The following PRDM1 variants were observed in gnomAD, a reference collection of about 807,000 sequenced individuals.
The protein encoded by PRDM1 is PR/SET domain 1, also known as PR domain zinc finger protein 1.
Under a neutral mutation model 62.8 loss-of-function variants are expected in PRDM1, and 13 were observed. That is an observed-to-expected ratio of 0.21 (90% CI 0.13 to 0.33). The LOEUF (loss-of-function observed/expected upper bound fraction) is 0.33, where lower values mean the gene tolerates loss of function less well. Ranked by LOEUF, PRDM1 falls within the 10% of genes least tolerant of loss-of-function variation. PRDM1 has a pLI of 1.00. For synonymous variants in PRDM1, 396 were observed against 417.6 expected (o/e 0.95, Z 0.63); for missense variants, 895 against 1,058.8 (o/e 0.85, Z 2.15).
chr6:106,088,452 A>G lies in PRDM1; in HGVS notation c.291+3A>G. ...AGTATGCCACCAACAGTGAAGAGGT[A>G]AGCCTCTGGTTTATTGACAAGAAGA... On this transcript the variant is annotated splice_donor_region_variant and intron_variant, in intron 2 of 6. Coordinates refer to ENST00000369096, the MANE Select transcript of PRDM1 (RefSeq NM_001198.4). 1 of 1,614,172 alleles carries G rather than the reference A, an allele frequency of 6.2e-7. No individual in the cohort carries two copies. Among genetic ancestry groups the G allele is most frequent in the Non-Finnish European group, 8.5e-7 (1 of 1,180,014 alleles).
chr6:106,060,794 T>C (rs1773333587), intron 1 of PRDM1, among the ~76,000 whole-genome samples: 1 of 151,842 alleles, frequency 6.6e-6, no homozygotes, highest in Non-Finnish European at 1.5e-5. Flanking sequence ...TTAAGTGAAC[T>C]GGGAGTGGGT....
At position 106,036,166 on chromosome 6, in the gene PRDM1, T is replaced by A. The variant is rs142999854; in HGVS notation, c.-67+42527T>A. 1.3e-3 allele frequency among the ~76,000 whole-genome samples: 199 copies of A among 152,242 alleles called. 3 individuals carry two copies. In the East Asian group the frequency reaches 0.027, roughly 21 times the overall value. ...GAATTTAGTTGTTTTTTGTTTTTTGTGAGACAGAGCCTAAGTCTGTTACCC... is the reference window on the plus strand; with the variant it reads ...GAATTTAGTTGTTTTTTGTTTTTTGAGAGACAGAGCCTAAGTCTGTTACCC... On this transcript the variant is annotated intron_variant, in intron 1 of 6. Transcript: ENST00000652320.
intron 1 of PRDM1, among the ~76,000 whole-genome samples, chr6:106,009,863 A>T (rs1205709224): frequency 6.6e-6 from 1 of 152,136 alleles, no homozygotes; most frequent in Non-Finnish European, 1.5e-5. Flanking sequence ...GATTATAGGC[A>T]TGCGCCACCA....
chr6:106,105,512 T>G lies in PRDM1; in HGVS notation c.1352T>G (p.Leu451Arg). The G allele has an allele frequency of 1.2e-6, 2 of 1,613,866 alleles. No individual in the cohort carries two copies. Among genetic ancestry groups the G allele is most frequent in the Non-Finnish European group, 1.7e-6 (2 of 1,179,938 alleles). ...PRLCPVYSNL[L>R]GGGSLPHPML... Reference sequence around the variant, plus strand: ...CTGTGCCCTGTCTACAGCAATCTCCTCGGTGGGGGCAGCCTGCCCCACCCC... The same window carrying G: ...CTGTGCCCTGTCTACAGCAATCTCCGCGGTGGGGGCAGCCTGCCCCACCCC... The change falls in exon 5 of 7, where the codon CTC (leucine) becomes CGC (arginine). Residue 451 changes from leucine to arginine, a missense_variant. Coordinates refer to ENST00000369096, the MANE Select transcript of PRDM1 (RefSeq NM_001198.4).
rs1433034649 is a variant in PRDM1, at chr6:106,108,604, G to T, written c.*1118G>T. On this transcript the variant is annotated 3_prime_UTR_variant, in exon 7 of 7. Transcript: ENST00000369096. ...AAGGATTCGAGGTAGATAGGCTCAGGCCACACTTTAAAAACAAACACACAA... is the reference window on the plus strand; with the variant it reads ...AAGGATTCGAGGTAGATAGGCTCAGTCCACACTTTAAAAACAAACACACAA... 3 of 229,674 alleles carry T rather than the reference G, an allele frequency of 1.3e-5. No individual in the cohort carries two copies. Among genetic ancestry groups the T allele is most frequent in the African/African-American group, 6.8e-5 (3 of 44,010 alleles). The allele number at this position is 229,674 out of a possible 1,614,324, so 14.2% of individuals were successfully genotyped here.
chr6:106,022,015 T>A (rs983152490), intron 1 of PRDM1, among the ~76,000 whole-genome samples: 7 of 152,224 alleles, frequency 4.6e-5, no homozygotes, highest in Non-Finnish European at 8.8e-5. Context: ...TCATGTTTTC[T>A]AATCTCTGAA....
upstream of PRDM1, among the ~76,000 whole-genome samples, chr6:106,044,635 A>G (rs892506895): frequency 2.0e-5 from 3 of 152,216 alleles, no homozygotes; most frequent in African/African-American, 7.2e-5. Context: ...ACCTAGCACT[A>G]CAAGTTTAGG....
At chr6:106,027,254 G>T (rs578097644) in intron 1 of PRDM1, among the ~76,000 whole-genome samples, 2 of 152,326 alleles carry the variant, frequency 1.3e-5, no homozygotes, top group Non-Finnish European at 2.9e-5. Context: ...TATGGCAAAG[G>T]TTATAAAGGA....
At chr6:105,997,383 T>TA (rs973783698) in intron 1 of PRDM1, among the ~76,000 whole-genome samples, 25 of 152,218 alleles carry the variant, frequency 1.6e-4, no homozygotes, top group African/African-American at 5.5e-4. Flanking sequence ...TTATAATTGT[T>TA]AAAAAAATCA....
intron 1 of PRDM1, among the ~76,000 whole-genome samples, chr6:106,070,901 C>T (rs1004644469): frequency 6.6e-6 from 1 of 152,218 alleles, no homozygotes; most frequent in Non-Finnish European, 1.5e-5. Context: ...TGAAGGCAAT[C>T]TTCCAGATTT....
chr6:106,023,619 G>A (rs989883263), intron 1 of PRDM1, among the ~76,000 whole-genome samples: 4 of 152,094 alleles, frequency 2.6e-5, no homozygotes, highest in African/African-American at 7.2e-5. Flanking sequence ...CATTTCTGTT[G>A]TGTAGACTCT....
intron 1 of PRDM1, among the ~76,000 whole-genome samples, chr6:106,032,925 T>C (rs1772866734): frequency 6.6e-6 from 1 of 152,188 alleles, no homozygotes; most frequent in South Asian, 2.1e-4. Context: ...TATTGAAAGT[T>C]TACTGTTGTG....
upstream of PRDM1, chr6:106,086,282 C>G (rs930540457): frequency 4.8e-6 from 2 of 414,398 alleles, no homozygotes; most frequent in African/African-American, 4.1e-5. Context: ...GCCCCCACTT[C>G]GCGCAGCCGA....
chr6:106,094,975 AAAGT>A (rs1774056640), intron 2 of PRDM1, among the ~76,000 whole-genome samples: 1 of 151,592 alleles, frequency 6.6e-6, no homozygotes, highest in Admixed American at 6.6e-5. Flanking sequence ...CGAGAAGAAC[AAAGT>A]AGAAGGCCAG....
Position 106,086,451 on chromosome 6 carries a change from C to A in PRDM1, c.-103C>A. The A allele has an allele frequency of 8.3e-7, 1 of 1,204,786 alleles. No individual in the cohort carries two copies. Among genetic ancestry groups the A allele is most frequent in the Non-Finnish European group, 1.2e-6 (1 of 857,676 alleles). 74.6% of individuals were successfully genotyped at this position (1,204,786 alleles called of 1,614,324 possible). A position where few individuals can be genotyped will look rare whatever the true frequency, so the allele number is the denominator to read the frequency against. On this transcript the variant is annotated 5_prime_UTR_variant, in exon 1 of 7. Coordinates refer to ENST00000369096, the MANE Select transcript of PRDM1 (RefSeq NM_001198.4). ...GGACGCGGGCGCCCGGGCGGCCGGA[C>A]GAAGCGAGGAGGGACCGCCGAGGTG... is the stretch of plus-strand genomic sequence containing the variant.
rs1774449596 is a variant in PRDM1, at chr6:106,105,532, C to T, written c.1372C>T (p.His458Tyr). Residue 458 changes from histidine to tyrosine, a missense_variant, in exon 5 of 7, where the codon CAC (histidine) becomes TAC (tyrosine). Physicochemically the swap from His to Tyr is moderately conservative, Grantham distance 83 (BLOSUM62 2). This residue lies in a region of PRDM1 where 444 missense variants were observed against 422.7 expected (regional missense o/e 1.05). Coordinates refer to ENST00000369096, the MANE Select transcript of PRDM1 (RefSeq NM_001198.4). ...SNLLGGGSLP[H>Y]PMLNPTSLPS... is the part of the protein sequence containing the mutation. ...TCTCCTCGGTGGGGGCAGCCTGCCC[C>T]ACCCCATGCTCAACCCCACTTCTCT... 6 of 1,613,374 alleles carry T rather than the reference C, an allele frequency of 3.7e-6. No individual in the cohort carries two copies. Among genetic ancestry groups the T allele is most frequent in the Non-Finnish European group, 4.2e-6 (5 of 1,179,554 alleles).
upstream of PRDM1, among the ~76,000 whole-genome samples, chr6:106,047,867 A>G (rs965662814): frequency 4.6e-5 from 7 of 152,206 alleles, no homozygotes; most frequent in African/African-American, 1.7e-4. Context: ...TGGGCTGGAA[A>G]AGTGCACAGA....
upstream of PRDM1, among the ~76,000 whole-genome samples, chr6:105,992,912 G>A (rs1263207603): frequency 6.6e-6 from 1 of 152,168 alleles, no homozygotes; most frequent in Non-Finnish European, 1.5e-5. Context: ...GGAAAGATAG[G>A]GCCTCAGTTC....
chr6:106,092,784 G>A (rs375000655), intron 2 of PRDM1, among the ~76,000 whole-genome samples: 37 of 152,198 alleles, frequency 2.4e-4, no homozygotes, highest in Admixed American at 6.5e-4. Flanking sequence ...CTTTTATGGC[G>A]TCTGTGTCTC....
Sources: allele counts gnomAD v4.1 joint callset (sites outside exome capture counted in the v4.1 genomes callset), GRCh38; gene constraint gnomAD v4.1.1; regional missense constraint gnomAD v4.1.1; transcripts MANE v1.5; gene names NCBI Gene and HGNC (gene_info 2026-07-23, HGNC 2026-07-21).